Variants in TRHDE observed in about 807,000 individuals in gnomAD.
TRHDE encodes thyrotropin-releasing hormone-degrading ectoenzyme.
Under a neutral mutation model 125.7 loss-of-function variants are expected in TRHDE, and 72 were observed. The ratio of observed to expected loss-of-function variants is 0.57; its 90% confidence interval spans 0.47 to 0.70. TRHDE has a LOEUF of 0.70. TRHDE is among the 30% of genes least tolerant of loss of function. The probability of loss-of-function intolerance (pLI) is 0.00; values close to 1 mark genes in which losing one functional copy is unlikely to be tolerated. For missense variants in TRHDE, 1,110 were observed against 1,327.1 expected (o/e 0.84, Z 2.54); for synonymous variants, 509 against 509.1 (o/e 1.00, Z 0.00).
At chr12:72,136,179 G>A (rs1172371804) in intron 2 of TRHDE, among the ~76,000 whole-genome samples, 1 of 152,238 alleles carries the variant, frequency 6.6e-6, no homozygotes, top group East Asian at 1.9e-4. Flanking sequence ...GTGCTATGAG[G>A]CTATATGAAC....
intron 12 of TRHDE, among the ~76,000 whole-genome samples, chr12:72,597,873 G>A (rs1408278550): frequency 1.3e-5 from 2 of 150,378 alleles, no homozygotes; most frequent in African/African-American, 4.9e-5. Context: ...AAACACACTA[G>A]TGTGCTATAC....
chr12:72,631,370 C>G (rs1340101601), intron 15 of TRHDE, among the ~76,000 whole-genome samples: 1 of 151,560 alleles, frequency 6.6e-6, no homozygotes, highest in East Asian at 1.9e-4. Flanking sequence ...TTGCCAGAAG[C>G]TAGGTTATTT....
chr12:72,612,170 C>T (rs1592571628), intron 12 of TRHDE, among the ~76,000 whole-genome samples: 2 of 152,118 alleles, frequency 1.3e-5, no homozygotes, highest in East Asian at 3.9e-4. Context: ...TCTCCTCCCA[C>T]CAAACTTGTT....
rs187947249 is a variant in TRHDE at position 72,600,048 on chromosome 12, G to A, written c.2322-18843G>A. On this transcript the variant is annotated intron_variant, in intron 12 of 18. Transcript: ENST00000261180. ...TGTCAACTTTGTTAAAGATCAGATG[G>A]CTGTAGGTGTGCGACTTTATTTCTG... 2.2e-3 allele frequency among the ~76,000 whole-genome samples: 336 copies of A among 152,124 alleles called. 2 individuals are homozygous for A. The highest frequency in any genetic ancestry group is 7.6e-3 in the African/African-American group (314 of 41,530).
intron 12 of TRHDE, among the ~76,000 whole-genome samples, chr12:72,603,755 A>G (rs1872311213): frequency 6.9e-6 from 1 of 145,136 alleles, no homozygotes; most frequent in Non-Finnish European, 1.5e-5. Context: ...AAACAAAACA[A>G]CAACAACAAC....
At chr12:72,270,025 ATT>A (rs1879160774), upstream of TRHDE, among the ~76,000 whole-genome samples, 1 of 152,154 alleles carries the variant, frequency 6.6e-6, no homozygotes, top group African/African-American at 2.4e-5. Context: ...GTAATACTAA[ATT>A]ACCAGTTTAA....
chr12:72,530,880 C>T (rs1165425001), intron 6 of TRHDE, among the ~76,000 whole-genome samples: 2 of 152,032 alleles, frequency 1.3e-5, no homozygotes, highest in Non-Finnish European at 2.9e-5. Context: ...TGTTTACTAA[C>T]TGCCTCTTTT....
rs867246223 is a variant in TRHDE, at chr12:72,224,107, T to C, written n.279+118355T>C. Among the ~76,000 whole-genome samples the C allele has an allele frequency of 4.6e-4, 20 of 43,238 alleles. No individual in the cohort carries two copies. The South Asian group carries it at 0.017, about 37-fold the overall frequency. The allele number at this position is 43,238 out of a possible 152,430, so 28.4% of individuals were successfully genotyped here. A position where few individuals can be genotyped will look rare whatever the true frequency, so the allele number is the denominator to read the frequency against. ...CTATCTATCCATCTATCTATCTATC[T>C]ATCTATCTATCTATCTATCTATCTA... On this transcript the variant is annotated intron_variant and non_coding_transcript_variant, in intron 2 of 4. Transcript: ENST00000548156.
At chr12:72,452,374 T>G (rs1305088315) in intron 3 of TRHDE, among the ~76,000 whole-genome samples, 2 of 152,158 alleles carry the variant, frequency 1.3e-5, no homozygotes, top group Non-Finnish European at 2.9e-5. Context: ...TATGTAAGAT[T>G]GTGTCATTGG....
intron 2 of TRHDE, among the ~76,000 whole-genome samples, chr12:72,264,872 C>T (rs940018909): frequency 1.4e-5 from 2 of 147,866 alleles, no homozygotes; most frequent in African/African-American, 2.5e-5. Flanking sequence ...TTTAATATGC[C>T]GATAACTCAA....
At chr12:72,520,393 G>A (rs980443474) in intron 6 of TRHDE, among the ~76,000 whole-genome samples, 1 of 152,182 alleles carries the variant, frequency 6.6e-6, no homozygotes. Context: ...GGGTGGGAGT[G>A]ACCTGATTTT....
At chr12:72,624,574 C>T (rs1334921363) in intron 15 of TRHDE, among the ~76,000 whole-genome samples, 1 of 151,788 alleles carries the variant, frequency 6.6e-6, no homozygotes, top group African/African-American at 2.4e-5. Context: ...GTGAAAGGTG[C>T]TGCAAGGAGG....
rs552255609 is a variant in TRHDE at position 72,518,985 on chromosome 12, C to T, written c.1722+19350C>T. Reference sequence around the variant, plus strand: ...GTTGAATATTGGCCCCCACTCTCTTCTGGCTGGTAGAGTTTCTGCCGAGAG... The same window carrying T: ...GTTGAATATTGGCCCCCACTCTCTTTTGGCTGGTAGAGTTTCTGCCGAGAG... On this transcript the variant is annotated intron_variant, in intron 6 of 18. Transcript: ENST00000261180. Among the ~76,000 whole-genome samples, 77 of 152,352 alleles carry T rather than the reference C, an allele frequency of 5.1e-4. 2 individuals carry two copies. The South Asian group carries it at 0.012, about 23-fold the overall frequency.
chr12:72,594,219 G>T (rs1565803331), intron 12 of TRHDE, among the ~76,000 whole-genome samples: 1 of 152,098 alleles, frequency 6.6e-6, no homozygotes, highest in African/African-American at 2.4e-5. Context: ...ACTGGTGTGA[G>T]ATAGTATCTC....
intron 2 of TRHDE, among the ~76,000 whole-genome samples, chr12:72,341,004 C>T (rs1870058916): frequency 6.6e-6 from 1 of 152,078 alleles, no homozygotes; most frequent in Non-Finnish European, 1.5e-5. Context: ...CCATTTCTTC[C>T]ATTTGTTTAT....
chr12:72,446,097 C>T (rs981902715), intron 3 of TRHDE, among the ~76,000 whole-genome samples: 1 of 150,844 alleles, frequency 6.6e-6, no homozygotes, highest in Non-Finnish European at 1.5e-5. Flanking sequence ...ACCTGGGGAC[C>T]TGTCAAAATC....
chr12:72,169,755 C>T (rs1876829624), intron 2 of TRHDE, among the ~76,000 whole-genome samples: 1 of 151,958 alleles, frequency 6.6e-6, no homozygotes, highest in African/African-American at 2.4e-5. Flanking sequence ...CAGAAAAGGG[C>T]CCCACCCTTA....
intron 3 of TRHDE, among the ~76,000 whole-genome samples, chr12:72,440,579 T>A (rs1874959486): frequency 6.6e-6 from 1 of 151,998 alleles, no homozygotes; most frequent in African/African-American, 2.4e-5. Context: ...ATATATTGAC[T>A]TATTTAATCT....
At chr12:72,374,513 G>A (rs557468775) in intron 2 of TRHDE, among the ~76,000 whole-genome samples, 112 of 152,176 alleles carry the variant, frequency 7.4e-4, no homozygotes, top group Non-Finnish European at 1.4e-3. Context: ...GGCACTGAGC[G>A]TAGCAGAAAA....
Sources: gnomAD v4.1 joint callset for allele counts (sites outside exome capture counted in the v4.1 genomes callset) on GRCh38, gnomAD v4.1.1 for gene constraint, MANE v1.5 for transcripts, NCBI Gene and HGNC (gene_info 2026-07-23, HGNC 2026-07-21) for gene names.